CDH18: variants seen among roughly 807,000 people sequenced by gnomAD.
The protein encoded by CDH18 is cadherin-18.
CDH18 carries 31 observed loss-of-function variants against 67.9 expected under a neutral mutation model. The ratio of observed to expected loss-of-function variants is 0.46; its 90% CI spans 0.34 to 0.62. The LOEUF (loss-of-function observed/expected upper bound fraction) is 0.62, where lower values mean the gene tolerates loss of function less well. Ranked by LOEUF, CDH18 falls within the 20% of genes least tolerant of loss-of-function variation. CDH18 has a pLI of 0.01. For missense variants in CDH18, 890 were observed against 975.5 expected (o/e 0.91, Z 1.17); for synonymous variants, 362 against 347.2 (o/e 1.04, Z -0.48).
At chr5:19,883,587 G>C (rs1171051729) in intron 2 of CDH18, among the ~76,000 whole-genome samples, 1 of 151,512 alleles carries the variant, frequency 6.6e-6, no homozygotes, top group East Asian at 1.9e-4. Flanking sequence ...TTTTATATTT[G>C]TTTATATAGT....
intron 1 of CDH18, among the ~76,000 whole-genome samples, chr5:20,379,450 A>T (rs895073363): frequency 6.6e-6 from 1 of 152,194 alleles, no homozygotes; most frequent in Non-Finnish European, 1.5e-5. Context: ...ACAGAATATT[A>T]CGGCCACACT....
chr5:20,425,338 T>G (rs990378769), intron 1 of CDH18, among the ~76,000 whole-genome samples: 1 of 150,262 alleles, frequency 6.7e-6, no homozygotes, highest in Admixed American at 6.6e-5. Context: ...GCGATTGCAC[T>G]CCAGCCTAGG....
chr5:20,078,634 C>G (rs13185851), intron 2 of CDH18, among the ~76,000 whole-genome samples: 1 of 151,966 alleles, frequency 6.6e-6, no homozygotes, highest in Admixed American at 6.6e-5. Context: ...AGAGTCTCAC[C>G]CTGTCACCCA....
intron 3 of CDH18, among the ~76,000 whole-genome samples, chr5:19,824,435 T>G (rs2149963436): frequency 6.6e-6 from 1 of 152,260 alleles, no homozygotes; most frequent in African/African-American, 2.4e-5. Flanking sequence ...ATTCATGTTC[T>G]CCACAGGAAC....
intron 2 of CDH18, among the ~76,000 whole-genome samples, chr5:20,165,251 G>A (rs965854298): frequency 1.3e-5 from 2 of 151,838 alleles, no homozygotes; most frequent in African/African-American, 4.8e-5. Flanking sequence ...TTGATTAAAC[G>A]TGTTATCTTT....
intron 1 of CDH18, among the ~76,000 whole-genome samples, chr5:20,567,627 T>C (rs13159384): frequency 2.8e-4 from 42 of 152,134 alleles, no homozygotes; most frequent in South Asian, 6.2e-4. Flanking sequence ...AGAAAAGATA[T>C]GAGAATGTGC....
intron 10 of CDH18, among the ~76,000 whole-genome samples, chr5:19,513,097 A>G (rs1303999357): frequency 6.6e-6 from 1 of 151,734 alleles, no homozygotes; most frequent in Non-Finnish European, 1.5e-5. Context: ...ATCAGTCCTT[A>G]TTTATTTATT....
chr5:20,378,903 A>T (rs1743680265), intron 1 of CDH18, among the ~76,000 whole-genome samples: 1 of 152,242 alleles, frequency 6.6e-6, no homozygotes. Flanking sequence ...ATAAGAAAAG[A>T]TATCTTACCT....
chr5:20,452,422 T>C (rs1026598950), intron 1 of CDH18, among the ~76,000 whole-genome samples: 2 of 152,144 alleles, frequency 1.3e-5, no homozygotes, highest in African/African-American at 4.8e-5. Context: ...GAATACTATG[T>C]AGCTGCACAA....
chr5:20,150,527 T>G (rs1237595184), intron 2 of CDH18, among the ~76,000 whole-genome samples: 1 of 152,092 alleles, frequency 6.6e-6, no homozygotes, highest in African/African-American at 2.4e-5. Flanking sequence ...GATGGGGCTG[T>G]GATAGGGATG....
intron 1 of CDH18, among the ~76,000 whole-genome samples, chr5:20,277,574 G>C (rs1195507797): frequency 6.6e-6 from 1 of 152,116 alleles, no homozygotes; most frequent in South Asian, 2.1e-4. Context: ...AGAATATGAA[G>C]ACTATAATAA....
intron 1 of CDH18, among the ~76,000 whole-genome samples, chr5:20,427,659 C>A (rs956551119): frequency 1.3e-5 from 2 of 151,098 alleles, no homozygotes; most frequent in Non-Finnish European, 2.9e-5. Flanking sequence ...GTCTAAATTG[C>A]AATTCAGCCG....
chr5:19,934,429 T>G (rs781436539), intron 2 of CDH18, among the ~76,000 whole-genome samples: 5 of 151,314 alleles, frequency 3.3e-5, no homozygotes, highest in African/African-American at 7.3e-5. Flanking sequence ...CCTAAATGTT[T>G]CTGTTATATT....
At position 19,721,557 on chromosome 5, in the gene CDH18, T is replaced by C. The variant is rs911939867; in HGVS notation, c.524-91A>G. ...GAAAATGGGTATGCTGAAATAGCTATGGAGATCAGTACTGGTTGTGTCCTA... is the reference window on the plus strand; with the variant it reads ...GAAAATGGGTATGCTGAAATAGCTACGGAGATCAGTACTGGTTGTGTCCTA... On this transcript the variant is annotated intron_variant, in intron 4 of 12. Transcript: ENST00000382275. 3 of 1,161,664 alleles carry C rather than the reference T, an allele frequency of 2.6e-6. No homozygotes were observed. The African/African-American group carries it at 4.5e-5, about 18-fold the overall frequency. 72.0% of individuals were successfully genotyped at this position (1,161,664 alleles called of 1,614,324 possible).
At chr5:20,249,269 T>C (rs1042005553) in intron 2 of CDH18, among the ~76,000 whole-genome samples, 1 of 152,134 alleles carries the variant, frequency 6.6e-6, no homozygotes, top group African/African-American at 2.4e-5. Context: ...TAAACCTGTA[T>C]AAATTATGTA....
intron 4 of CDH18, among the ~76,000 whole-genome samples, chr5:19,724,011 T>C (rs960309093): frequency 1.3e-5 from 2 of 152,070 alleles, no homozygotes; most frequent in African/African-American, 4.8e-5. Flanking sequence ...CGCCCAGCCA[T>C]AGCATTTTAA....
chr5:20,203,748 A>G (rs1739648756), intron 2 of CDH18, among the ~76,000 whole-genome samples: 1 of 152,112 alleles, frequency 6.6e-6, no homozygotes, highest in Non-Finnish European at 1.5e-5. Flanking sequence ...ATAGAGAACC[A>G]CGACCTCCCT....
intron 7 of CDH18, among the ~76,000 whole-genome samples, chr5:19,585,619 G>C (rs936513910): frequency 2.0e-5 from 3 of 152,070 alleles, no homozygotes; most frequent in African/African-American, 7.2e-5. Context: ...GACTACATCA[G>C]TATCCTTGAT....
chr5:20,403,970 C>T (rs1041032909), intron 1 of CDH18, among the ~76,000 whole-genome samples: 1 of 152,204 alleles, frequency 6.6e-6, no homozygotes, highest in South Asian at 2.1e-4. Flanking sequence ...AAGATCTTAG[C>T]TGAATCTTCT....
Sources: gnomAD v4.1 joint callset for allele counts (sites outside exome capture counted in the v4.1 genomes callset) on GRCh38, gnomAD v4.1.1 for gene constraint, MANE v1.5 for transcripts, NCBI Gene and HGNC (gene_info 2026-07-23, HGNC 2026-07-21) for gene names.